EXOC6: variants seen among roughly 807,000 people sequenced by gnomAD.
The protein encoded by EXOC6 is SEC15-like 1.
In EXOC6, 60 loss-of-function variants were observed where a neutral mutation model predicts 112.5. The observed-to-expected ratio is 0.53, with a 90% confidence interval of 0.43 to 0.66. EXOC6 has a LOEUF of 0.66. EXOC6 is among the 30% of genes least tolerant of loss of function. EXOC6 has a pLI of 0.00. For synonymous variants in EXOC6, 295 were observed against 308.0 expected (o/e 0.96, Z 0.44); for missense variants, 855 against 957.1 (o/e 0.89, Z 1.41).
chr10:92,918,771 T>C (rs1301888281), intron 7 of EXOC6, among the ~76,000 whole-genome samples: 1 of 152,174 alleles, frequency 6.6e-6, no homozygotes, highest in Non-Finnish European at 1.5e-5. Context: ...GATACATATG[T>C]ACATAGTCAC....
chr10:92,997,587 G>C lies in EXOC6; in HGVS notation c.2067G>C (p.Gln689His). 1 of 1,612,442 alleles carries C rather than the reference G, an allele frequency of 6.2e-7. No homozygotes were observed. Among genetic ancestry groups the C allele is most frequent in the Non-Finnish European group, 8.5e-7 (1 of 1,179,058 alleles). The part of the protein sequence containing the change: ...LKQISMGAVQ[Q>H]FNLDVIQCEL... ...AAATAAGCATGGGAGCTGTTCAGCA[G>C]TTTAACTTAGATGTCATACAGTGTG... Residue 689 changes from glutamine to histidine, a missense_variant, in exon 19 of 22, where the codon CAG (glutamine) becomes CAC (histidine). This residue lies in a region of EXOC6 where 450 missense variants were observed against 563.5 expected (regional missense o/e 0.80). Transcript: ENST00000260762.
chr10:92,898,407 G>A (rs1231790780), intron 4 of EXOC6, among the ~76,000 whole-genome samples: 1 of 147,366 alleles, frequency 6.8e-6, no homozygotes, highest in Non-Finnish European at 1.5e-5. Context: ...TGTAACCTGG[G>A]TGACAGAGTG....
chr10:92,828,732 T>A (rs200306242), intron 1 of EXOC6, among the ~76,000 whole-genome samples: 1 of 24,852 alleles, frequency 4.0e-5, no homozygotes, highest in Admixed American at 4.6e-4. Flanking sequence ...GTGTGTGTAT[T>A]TTTTTTTTTT....
rs1377536548 is a variant in EXOC6, at chr10:92,850,101, CTG to C, written c.101+1468_101+1469del. On this transcript the variant is annotated intron_variant, in intron 1 of 21. Transcript: ENST00000260762. ...TTGTTTTCATCACTGCATCTTGAAA[CTG>C]AGAGTGCAGTGTGTGATAAAGTTAC... Among the ~76,000 whole-genome samples, 16 of 152,080 alleles carry C rather than the reference CTG, an allele frequency of 1.1e-4. 1 individual carries two copies. Among genetic ancestry groups the C allele is most frequent in the Admixed American group, 9.2e-4 (14 of 15,276 alleles).
intron 19 of EXOC6, among the ~76,000 whole-genome samples, chr10:93,005,545 T>C (rs182648672): frequency 3.1e-4 from 47 of 152,252 alleles, no homozygotes; most frequent in Admixed American, 8.5e-4. Context: ...TCTAAACAAG[T>C]TCTTACAAAG....
At chr10:92,842,036 C>CA (rs541658192) in intron 1 of EXOC6, among the ~76,000 whole-genome samples, 37 of 145,414 alleles carry the variant, frequency 2.5e-4, no homozygotes, top group East Asian at 6.0e-4. Flanking sequence ...AGAAATACAC[C>CA]AAAAAAAAAA....
chr10:93,053,480 T>C (rs1846400489), intron 20 of EXOC6, among the ~76,000 whole-genome samples: 1 of 152,244 alleles, frequency 6.6e-6, no homozygotes, highest in African/African-American at 2.4e-5. Flanking sequence ...GAAGATCATT[T>C]GACTTACTTA....
Position 93,040,335 on chromosome 10 carries a change from G to A in EXOC6, c.2170-16589G>A, listed in dbSNP as rs530727438. ...GTGATCTCGGCTCACTGCAAGCTCC[G>A]CCTCCCAGGTTCACGCCATTCTCCT... is the stretch of plus-strand genomic sequence containing the variant. On this transcript the variant is annotated intron_variant, in intron 20 of 21. Transcript: ENST00000260762. Among the ~76,000 whole-genome samples, 7 of 152,022 alleles carry A rather than the reference G, an allele frequency of 4.6e-5. No individual in the cohort carries two copies. In the South Asian group the frequency reaches 8.3e-4, roughly 18 times the overall value.
chr10:92,889,142 G>C (rs1453323117), intron 1 of EXOC6, among the ~76,000 whole-genome samples: 1 of 152,130 alleles, frequency 6.6e-6, no homozygotes, highest in African/African-American at 2.4e-5. Context: ...GTACTCAGTT[G>C]TTCAGCCACT....
chr10:92,992,286 T>TTAA (rs1564892831), intron 18 of EXOC6, among the ~76,000 whole-genome samples: 1,082 of 24,530 alleles, frequency 0.044, 25 homozygotes, highest in African/African-American at 0.14. Flanking sequence ...AGACTCTGTC[T>TTAA]CAAAAAAAAA....
At chr10:92,918,205 C>G (rs1287966638) in intron 7 of EXOC6, among the ~76,000 whole-genome samples, 1 of 152,074 alleles carries the variant, frequency 6.6e-6, no homozygotes, top group African/African-American at 2.4e-5. Flanking sequence ...TTTTATCGTC[C>G]TTTTCAATTT....
chr10:92,848,931 T>A (rs1160612299), intron 1 of EXOC6, among the ~76,000 whole-genome samples: 10 of 152,032 alleles, frequency 6.6e-5, no homozygotes, highest in African/African-American at 2.2e-4. Flanking sequence ...GGCCCCGCGT[T>A]CTCCTCCTGG....
chr10:92,843,663 A>G (rs925607255), upstream of EXOC6, among the ~76,000 whole-genome samples: 4 of 151,652 alleles, frequency 2.6e-5, no homozygotes, highest in Non-Finnish European at 5.9e-5. Context: ...CCTGGCCAAC[A>G]TGGTGAAACT....
At position 92,909,454 on chromosome 10, in the gene EXOC6, A is replaced by G; in HGVS notation, c.486A>G (p.Glu162=). The G allele has an allele frequency of 6.2e-7, 1 of 1,613,080 alleles. No homozygotes were observed. Among genetic ancestry groups the G allele is most frequent in the Non-Finnish European group, 8.5e-7 (1 of 1,179,530 alleles). ...ACTATTCTGCCCTAAAAACTATGGA[A>G]CAATTAGAGAATGTGTACTTTCCCT... ...KRYYSALKTM[E]QLENVYFPWV... The change falls in exon 6 of 22, where the codon GAA becomes GAG. Residue 162 remains glutamate, a synonymous_variant. Coordinates refer to ENST00000260762, the MANE Select transcript of EXOC6 (RefSeq NM_019053.6).
chr10:92,994,062 C>T (rs1232200555), intron 18 of EXOC6, among the ~76,000 whole-genome samples: 1 of 152,202 alleles, frequency 6.6e-6, no homozygotes, highest in Non-Finnish European at 1.5e-5. Context: ...CTCAGTCTGA[C>T]ATCAGGTCTT....
chr10:93,036,311 A>G (rs1208258960), intron 20 of EXOC6, among the ~76,000 whole-genome samples: 1 of 152,094 alleles, frequency 6.6e-6, no homozygotes, highest in East Asian at 1.9e-4. Flanking sequence ...TTTGTAGTGT[A>G]CATTCGAACA....
At chr10:92,843,755 C>T (rs542708370), upstream of EXOC6, among the ~76,000 whole-genome samples, 7 of 152,144 alleles carry the variant, frequency 4.6e-5, no homozygotes, top group South Asian at 2.1e-4. Flanking sequence ...TTCGGGAGCC[C>T]GAGGTGGGTG....
At chr10:92,873,462 A>G (rs1848544366) in intron 1 of EXOC6, among the ~76,000 whole-genome samples, 1 of 152,218 alleles carries the variant, frequency 6.6e-6, no homozygotes, top group Non-Finnish European at 1.5e-5. Flanking sequence ...AGAAATATAC[A>G]GAAAATCGTT....
intron 20 of EXOC6, among the ~76,000 whole-genome samples, chr10:93,020,394 C>CATA (rs77815473): frequency 0.13 from 19,841 of 151,030 alleles, 1,427 homozygotes; most frequent in African/African-American, 0.19. Context: ...TGATTCAAAC[C>CATA]ATAATAATAA....
Sources: gnomAD v4.1 joint callset for allele counts (sites outside exome capture counted in the v4.1 genomes callset) on GRCh38, gnomAD v4.1.1 for gene constraint, gnomAD v4.1.1 regional missense constraint, MANE v1.5 for transcripts, NCBI Gene and HGNC (gene_info 2026-07-23, HGNC 2026-07-21) for gene names.